MOXD1: variants seen among roughly 807,000 people sequenced by gnomAD.
The protein encoded by MOXD1 is DBH-like monooxygenase protein 1.
A neutral mutation model predicts 66.6 loss-of-function variants in MOXD1; 62 were observed. The ratio of observed to expected loss-of-function variants is 0.93; its 90% CI spans 0.76 to 1.15. The LOEUF (loss-of-function observed/expected upper bound fraction) is 1.15, where lower values mean the gene tolerates loss of function less well. Ranked by LOEUF, MOXD1 falls within the 50% of genes most tolerant of loss-of-function variation. The pLI is 0.00. For synonymous variants in MOXD1, 303 were observed against 281.9 expected, an observed-to-expected ratio of 1.07 and a Z score of -0.75; for missense variants, 847 against 754.6, an observed-to-expected ratio of 1.12 and a Z score of -1.44.
chr6:132,324,615 G>A (rs911956475), intron 6 of MOXD1, among the ~76,000 whole-genome samples: 1 of 152,038 alleles, frequency 6.6e-6, no homozygotes, highest in African/African-American at 2.4e-5. Flanking sequence ...TCATTCAACA[G>A]CCATTCAATC....
At chr6:132,371,025 T>C (rs1776253503) in intron 4 of MOXD1, among the ~76,000 whole-genome samples, 2 of 152,144 alleles carry the variant, frequency 1.3e-5, no homozygotes, top group African/African-American at 4.8e-5. Flanking sequence ...AGAATAAAAA[T>C]GCATTCACAG....
chr6:132,360,778 C>T (rs1009649293), intron 4 of MOXD1, among the ~76,000 whole-genome samples: 1 of 152,136 alleles, frequency 6.6e-6, no homozygotes, highest in Non-Finnish European at 1.5e-5. Context: ...GCACTGAATG[C>T]TGTCCAAAGC....
chr6:132,385,015 G>T (rs944607168), intron 1 of MOXD1, among the ~76,000 whole-genome samples: 36 of 152,196 alleles, frequency 2.4e-4, no homozygotes, highest in Admixed American at 1.0e-3. Flanking sequence ...TATCACTGGA[G>T]AGAGGTGGGC....
chr6:132,297,422 G>C, intron 11 of MOXD1, 105 bp from the exon 12 acceptor site: 1 of 1,213,184 alleles, frequency 8.2e-7, no homozygotes, highest in Non-Finnish European at 1.2e-6. Context: ...AAGGGGGCAG[G>C]AGTGGTTACC....
intron 4 of MOXD1, among the ~76,000 whole-genome samples, chr6:132,357,506 G>C (rs1377598638): frequency 6.6e-6 from 1 of 151,972 alleles, no homozygotes; most frequent in African/African-American, 2.4e-5. Flanking sequence ...AAATAAAAAG[G>C]AAAGATAGTA....
intron 4 of MOXD1, among the ~76,000 whole-genome samples, chr6:132,359,690 G>A (rs1775978480): frequency 6.6e-6 from 1 of 151,588 alleles, no homozygotes; most frequent in African/African-American, 2.4e-5. Flanking sequence ...GTTTCACTGT[G>A]TTAGCCAGGA....
intron 4 of MOXD1, among the ~76,000 whole-genome samples, chr6:132,349,420 TACATATATATATATAC>T (rs1775745164): frequency 4.8e-5 from 3 of 62,518 alleles, no homozygotes; most frequent in Admixed American, 1.9e-4. Flanking sequence ...TATATATATA[TACATATATATATATAC>T]ATATATATAT....
At chr6:132,309,541 AAAG>A (rs1460505799) in intron 10 of MOXD1, among the ~76,000 whole-genome samples, 1 of 152,246 alleles carries the variant, frequency 6.6e-6, no homozygotes, top group Non-Finnish European at 1.5e-5. Flanking sequence ...ATATGGAATC[AAAG>A]AAGACTCTGT....
Position 132,349,422 on chromosome 6 carries a change from CATATATATATAT to C in MOXD1, c.664-20840_664-20829del, listed in dbSNP as rs1298306384. ...ATATATATACATATATATATATATA[CATATATATATAT>C]ACATATATATATATATACATATATA... On this transcript the variant is annotated intron_variant, in intron 4 of 11. Transcript: ENST00000367963. 3.5e-3 allele frequency among the ~76,000 whole-genome samples: 129 copies of C among 36,786 alleles called. 3 individuals are homozygous for C. The highest frequency in any genetic ancestry group is 0.017 in the Middle Eastern group (1 of 58). The allele number at this position is 36,786 out of a possible 152,430, so 24.1% of individuals were successfully genotyped here.
chr6:132,324,143 G>A, intron 6 of MOXD1, 46 bp from the exon 7 acceptor site: 1 of 1,551,534 alleles, frequency 6.4e-7, no homozygotes, highest in Admixed American at 2.0e-5. Flanking sequence ...TTCTTAAAAT[G>A]TTTTCATTCC....
At chr6:132,319,976 T>C (rs931231887) in intron 9 of MOXD1, among the ~76,000 whole-genome samples, 2 of 152,164 alleles carry the variant, frequency 1.3e-5, no homozygotes, top group African/African-American at 4.8e-5. Context: ...CTCAAGTTGG[T>C]CTTATCATTA....
At chr6:132,315,549 T>C in intron 10 of MOXD1, 86 bp downstream of exon 10, 2 of 1,406,532 alleles carry the variant, frequency 1.4e-6, no homozygotes, top group East Asian at 4.6e-5. Flanking sequence ...AAAATTTCTA[T>C]AATGTGGTAA....
chr6:132,313,318 A>G (rs557999386), intron 10 of MOXD1, among the ~76,000 whole-genome samples: 1 of 152,216 alleles, frequency 6.6e-6, no homozygotes, highest in Non-Finnish European at 1.5e-5. Context: ...TTATAAAATC[A>G]TGCATATGAA....
At chr6:132,343,255 G>A (rs1775600409) in intron 4 of MOXD1, among the ~76,000 whole-genome samples, 1 of 152,134 alleles carries the variant, frequency 6.6e-6, no homozygotes, top group African/African-American at 2.4e-5. Context: ...ACAAAATGGT[G>A]AAAATGGGCA....
At chr6:132,304,517 C>T (rs1216270404) in intron 10 of MOXD1, among the ~76,000 whole-genome samples, 1 of 152,156 alleles carries the variant, frequency 6.6e-6, no homozygotes, top group Admixed American at 6.5e-5. Context: ...TTTCAGCTGC[C>T]ATGCAACTGG....
At chr6:132,374,434 A>T (rs1169519331) in intron 2 of MOXD1, among the ~76,000 whole-genome samples, 197 bp downstream of exon 2, 1 of 152,092 alleles carries the variant, frequency 6.6e-6, no homozygotes, top group Non-Finnish European at 1.5e-5. Context: ...ATTTTATTGA[A>T]ATTTTTGGTC....
At chr6:132,327,969 T>C in intron 6 of MOXD1, 44 bp downstream of exon 6, 4 of 1,532,074 alleles carry the variant, frequency 2.6e-6, no homozygotes, top group Non-Finnish European at 3.6e-6. Flanking sequence ...GGTACAAAAC[T>C]TTTTATAAAA....
intron 4 of MOXD1, among the ~76,000 whole-genome samples, chr6:132,344,907 G>T (rs1005308454): frequency 1.3e-5 from 2 of 152,266 alleles, no homozygotes; most frequent in East Asian, 3.9e-4. Flanking sequence ...TGACTCTTCA[G>T]TTGTCCAAGT....
Position 132,306,473 on chromosome 6 carries a change from A to G in MOXD1, c.1509-8518T>C, listed in dbSNP as rs990482057. Among the ~76,000 whole-genome samples, 5 of 152,156 alleles carry G rather than the reference A, an allele frequency of 3.3e-5. 1 individual carries two copies. The highest frequency in any genetic ancestry group is 1.2e-4 in the African/African-American group (5 of 41,436). On this transcript the variant is annotated intron_variant, in intron 10 of 11. Coordinates refer to ENST00000367963, the MANE Select transcript of MOXD1 (RefSeq NM_015529.4). ...TTATCCGGGAGAACTTCCCCAACCT[A>G]AAAGACAGGCCAACATGCAAATCAG...
Sources: gnomAD v4.1 joint callset for allele counts (sites outside exome capture counted in the v4.1 genomes callset) on GRCh38, gnomAD v4.1.1 for gene constraint, MANE v1.5 for transcripts, NCBI Gene and HGNC (gene_info 2026-07-23, HGNC 2026-07-21) for gene names.